Variants in QRFPR observed in about 807,000 individuals in gnomAD.
The protein encoded by QRFPR is pyroglutamylated RFamide peptide receptor.
QRFPR carries 37 observed loss-of-function variants against 31.3 expected under a neutral mutation model. The ratio of observed to expected loss-of-function variants is 1.18; its 90% confidence interval spans 0.91 to 1.56. The LOEUF (loss-of-function observed/expected upper bound fraction) is 1.56, where lower values mean the gene tolerates loss of function less well. Ranked by LOEUF, QRFPR falls within the 40% of genes most tolerant of loss-of-function variation. The pLI is 0.00. For synonymous variants in QRFPR, 197 were observed against 192.0 expected (o/e 1.03, Z -0.22); for missense variants, 542 against 532.5 (o/e 1.02, Z -0.18).
intron 4 of QRFPR, among the ~76,000 whole-genome samples, chr4:121,332,039 T>C (rs1208346849): frequency 6.6e-6 from 1 of 152,148 alleles, no homozygotes; most frequent in Non-Finnish European, 1.5e-5. Context: ...GTGCGGACAG[T>C]CTAGGAGCCC....
chr4:121,336,768 A>C, intron 3 of QRFPR, 39 bp downstream of exon 3: 1 of 1,478,694 alleles, frequency 6.8e-7, no homozygotes, highest in Non-Finnish European at 9.5e-7. Flanking sequence ...GTGAGAAAAT[A>C]GTTCAACAAT....
At chr4:121,348,674 G>A (rs1725703340) in intron 1 of QRFPR, among the ~76,000 whole-genome samples, 2 of 151,994 alleles carry the variant, frequency 1.3e-5, no homozygotes, top group African/African-American at 2.4e-5. Flanking sequence ...TCTTAAAATG[G>A]CTGTAGTTTG....
At chr4:121,338,863 G>A (rs779741632) in intron 2 of QRFPR, among the ~76,000 whole-genome samples, 5 of 152,134 alleles carry the variant, frequency 3.3e-5, no homozygotes, top group African/African-American at 7.2e-5. Context: ...GTTGTCACTC[G>A]CGCTACTTCT....
At chr4:121,358,974 C>T (rs1725926890) in intron 1 of QRFPR, among the ~76,000 whole-genome samples, 2 of 152,130 alleles carry the variant, frequency 1.3e-5, no homozygotes, top group South Asian at 4.1e-4. Flanking sequence ...AATAAAGTAA[C>T]TTGTCCAGGG....
At chr4:121,345,427 C>G (rs1725625062) in intron 1 of QRFPR, among the ~76,000 whole-genome samples, 2 of 152,228 alleles carry the variant, frequency 1.3e-5, no homozygotes, top group African/African-American at 4.8e-5. Context: ...TCAACTGTTG[C>G]TTGCAACGAA....
intron 1 of QRFPR, among the ~76,000 whole-genome samples, chr4:121,376,543 G>GTT (rs35472146): frequency 2.9e-5 from 4 of 136,352 alleles, no homozygotes; most frequent in Admixed American, 1.5e-4. Flanking sequence ...TTCTGGGTTT[G>GTT]TTTTTTTTTT....
Position 121,340,616 on chromosome 4 carries a change from G to GT in QRFPR, c.341-7dup. 1 of 1,612,638 alleles carries GT rather than the reference G, an allele frequency of 6.2e-7. No homozygotes were observed. Among genetic ancestry groups the GT allele is most frequent in the East Asian group, 2.2e-5 (1 of 44,836 alleles). The stretch of plus-strand genomic sequence containing the variant: ...CATCTTGCAAATGAAAGCACCTGCA[G>GT]TAAGGAAATAGGACAAATCATACAT... On this transcript the variant is annotated splice_region_variant and splice_polypyrimidine_tract_variant and intron_variant, in intron 1 of 5. Coordinates refer to ENST00000394427, the MANE Select transcript of QRFPR (RefSeq NM_198179.3).
At chr4:121,338,985 G>T (rs1303132079) in intron 2 of QRFPR, among the ~76,000 whole-genome samples, 2 of 152,120 alleles carry the variant, frequency 1.3e-5, no homozygotes, top group African/African-American at 2.4e-5. Flanking sequence ...ATTATTAAAA[G>T]CCCAGAAATC....
chr4:121,353,269 G>C (rs1725797998), intron 1 of QRFPR, among the ~76,000 whole-genome samples: 1 of 151,856 alleles, frequency 6.6e-6, no homozygotes, highest in African/African-American at 2.4e-5. Context: ...TAGTTTTATT[G>C]TCAGTTTTGT....
chr4:121,336,732 A>G, intron 3 of QRFPR, 75 bp downstream of exon 3: 3 of 1,207,394 alleles, frequency 2.5e-6, no homozygotes, highest in Non-Finnish European at 3.7e-6. Context: ...CTCCTGCAGG[A>G]AGGAAAATAA....
At chr4:121,378,565 C>G (rs1257249774) in intron 1 of QRFPR, among the ~76,000 whole-genome samples, 3 of 152,078 alleles carry the variant, frequency 2.0e-5, no homozygotes, top group Admixed American at 2.0e-4. Flanking sequence ...AGGTGCGTGC[C>G]ACGATGCCCG....
intron 1 of QRFPR, chr4:121,369,768 A>AAGTG: frequency 6.3e-7 from 1 of 1,596,154 alleles, no homozygotes. Flanking sequence ...GAAGAACCAG[A>AAGTG]AGTGAACCAG....
chr4:121,365,603 A>T (rs1265177609), intron 1 of QRFPR, among the ~76,000 whole-genome samples: 77 of 4,788 alleles, frequency 0.016, 14 homozygotes, highest in African/African-American at 0.057. Context: ...TATATATATA[A>T]TATATATATT....
intron 1 of QRFPR, among the ~76,000 whole-genome samples, chr4:121,363,998 A>C (rs555572903): frequency 1.3e-5 from 2 of 150,326 alleles, no homozygotes; most frequent in South Asian, 2.1e-4. Flanking sequence ...GAGAAAGTCT[A>C]AATGATAACT....
At chr4:121,362,320 T>C (rs1349462146) in intron 1 of QRFPR, among the ~76,000 whole-genome samples, 1 of 80,462 alleles carries the variant, frequency 1.2e-5, no homozygotes, top group African/African-American at 3.4e-5. Context: ...TTTAAAAGCA[T>C]TTTTTTTTCT....
At chr4:121,351,658 A>G (rs998720238) in intron 1 of QRFPR, among the ~76,000 whole-genome samples, 1 of 152,076 alleles carries the variant, frequency 6.6e-6, no homozygotes, top group Non-Finnish European at 1.5e-5. Context: ...TTTGTATACC[A>G]GGAAAGAAAT....
In QRFPR at chr4:121,352,521, A is replaced by C. The variant is rs1300424326; in HGVS notation, c.341-11911T>G. Among the ~76,000 whole-genome samples the C allele has an allele frequency of 1.2e-4, 19 of 152,116 alleles. 1 individual carries two copies. Among genetic ancestry groups the C allele is most frequent in the Admixed American group, 1.2e-3 (19 of 15,256 alleles). ...GAATGTACTACATGCTCATTTAAAA[A>C]ATCATCACTGGCAAGGGGAATTGAA... is the stretch of plus-strand genomic sequence containing the variant. On this transcript the variant is annotated intron_variant, in intron 1 of 5. Coordinates refer to ENST00000394427, the MANE Select transcript of QRFPR (RefSeq NM_198179.3).
chr4:121,363,253 G>A (rs1726025223), intron 1 of QRFPR, among the ~76,000 whole-genome samples: 1 of 150,146 alleles, frequency 6.7e-6, no homozygotes, highest in Non-Finnish European at 1.5e-5. Flanking sequence ...TTGAACCTGG[G>A]AGATGGAGGT....
At position 121,370,411 on chromosome 4, in the gene QRFPR, C is replaced by T. The variant is rs555573596; in HGVS notation, c.340+9897G>A. 3.6e-4 allele frequency: 240 copies of T among 658,488 alleles called. No homozygotes were observed. In the East Asian group the frequency reaches 7.0e-3, roughly 19 times the overall value. 40.8% of individuals were successfully genotyped at this position (658,488 alleles called of 1,614,324 possible). A position where few individuals can be genotyped will look rare whatever the true frequency, so the allele number is the denominator to read the frequency against. Reference sequence around the variant, plus strand: ...CTGCCACCACGGTGAAATGATGTGACGACTAAGCTGACAGATGGATGTTAA... The same window carrying T: ...CTGCCACCACGGTGAAATGATGTGATGACTAAGCTGACAGATGGATGTTAA... On this transcript the variant is annotated intron_variant, in intron 1 of 5. Coordinates refer to ENST00000394427, the MANE Select transcript of QRFPR (RefSeq NM_198179.3).
Sources: gnomAD v4.1 joint callset for allele counts (sites outside exome capture counted in the v4.1 genomes callset) on GRCh38, gnomAD v4.1.1 for gene constraint, MANE v1.5 for transcripts, NCBI Gene and HGNC (gene_info 2026-07-23, HGNC 2026-07-21) for gene names.